CARS1: variants seen among roughly 807,000 people sequenced by gnomAD.
The protein encoded by CARS1 is cysteinyl-tRNA synthetase 1, also known as cysteine--tRNA ligase, cytoplasmic.
Under a neutral mutation model 106.2 loss-of-function variants are expected in CARS1, and 48 were observed. The observed-to-expected ratio is 0.45, with a 90% CI of 0.36 to 0.57. CARS1 has a LOEUF of 0.57. Among genes scored for constraint, CARS1 ranks in the 20% least tolerant of loss-of-function variants. The pLI is 0.00. For missense variants in CARS1, 968 were observed against 1,057.2 expected, an observed-to-expected ratio of 0.92 and a Z score of 1.17; for synonymous variants, 409 against 403.4, an observed-to-expected ratio of 1.01 and a Z score of -0.17.
At chr11:3,009,982 C>G (rs1850292017) in intron 18 of CARS1, among the ~76,000 whole-genome samples, 1 of 152,228 alleles carries the variant, frequency 6.6e-6, no homozygotes, top group Non-Finnish European at 1.5e-5. Flanking sequence ...CCCTGGATCC[C>G]CAGGGTCTCT....
Position 3,006,863 on chromosome 11 carries a change from G to T in CARS1, c.2149+16C>A. ...GCTCCTGGTAACTTTGTAGCAAACA[G>T]CAAGGGCTCACCCACCTTCGTGGTC... is the stretch of plus-strand genomic sequence containing the variant. On this transcript the variant is annotated intron_variant, in intron 19 of 22. Coordinates refer to ENST00000380525, the MANE Select transcript of CARS1 (RefSeq NM_001014437.3). The T allele has an allele frequency of 6.2e-7, 1 of 1,608,368 alleles. No individual in the cohort carries two copies. The highest frequency in any genetic ancestry group is 8.5e-7 in the Non-Finnish European group (1 of 1,174,820).
At chr11:3,057,308 A>C in intron 1 of CARS1, 35 bp downstream of exon 1, 1 of 1,596,774 alleles carries the variant, frequency 6.3e-7, no homozygotes, top group East Asian at 2.2e-5. Flanking sequence ...TCAGGCCCCC[A>C]GCCGCCCTCA....
Position 3,017,806 on chromosome 11 carries a change from G to T in CARS1, c.1727+51C>A, listed in dbSNP as rs1161906924. The T allele has an allele frequency of 1.6e-6, 2 of 1,216,798 alleles. No homozygotes were observed. The highest frequency in any genetic ancestry group is 1.7e-5 in the Admixed American group (1 of 58,626). 75.4% of individuals were successfully genotyped at this position (1,216,798 alleles called of 1,614,324 possible). The stretch of plus-strand genomic sequence containing the variant: ...CATGGTGGCCAAGATGCGAGGCTAG[G>T]CATAGAACATGGGCATGCTCAAAAA... On this transcript the variant is annotated intron_variant, in intron 15 of 22. Transcript: ENST00000380525. This position sits in a 1 kb window ranked among gnomAD's most constrained non-coding sequence, Gnocchi z 4.9.
chr11:3,016,427 G>A (rs1046146811), intron 16 of CARS1, among the ~76,000 whole-genome samples: 1 of 151,904 alleles, frequency 6.6e-6, no homozygotes, highest in Admixed American at 6.6e-5. Context: ...GTTTCACCGT[G>A]TTAGTCAGGA....
At position 3,028,552 on chromosome 11, in the gene CARS1, G is replaced by A. The variant is rs754699703; in HGVS notation, c.1031+444C>T. The A allele has an allele frequency of 2.9e-5, 7 of 241,746 alleles. No homozygotes were observed. The highest frequency in any genetic ancestry group is 5.5e-5 in the Non-Finnish European group (7 of 127,640). The allele number at this position is 241,746 out of a possible 1,614,324, so 15.0% of individuals were successfully genotyped here. On this transcript the variant is annotated intron_variant, in intron 9 of 22. Transcript: ENST00000380525. This position sits in a 1 kb window ranked among gnomAD's most constrained non-coding sequence, Gnocchi z 4.4. Reference sequence around the variant, plus strand: ...TTGAGACAATACGGGCCAGGGAAGTGTATGATGGATTTGCCAACAAAAAGT... The same window carrying A: ...TTGAGACAATACGGGCCAGGGAAGTATATGATGGATTTGCCAACAAAAAGT...
In CARS1 at chr11:3,013,904, G is replaced by A. The variant is rs561149286; in HGVS notation, c.1987-1628C>T. ...AACTGAATAATAGCTCAGCGGCCACGACACAGGGCAGGGACTGGCATGGGC... is the reference window on the plus strand; with the variant it reads ...AACTGAATAATAGCTCAGCGGCCACAACACAGGGCAGGGACTGGCATGGGC... On this transcript the variant is annotated intron_variant, in intron 17 of 22. Coordinates refer to ENST00000380525, the MANE Select transcript of CARS1 (RefSeq NM_001014437.3). Among the ~76,000 whole-genome samples the A allele has an allele frequency of 7.6e-4, 116 of 152,250 alleles. 1 individual carries two copies. The highest frequency in any genetic ancestry group is 2.5e-3 in the African/African-American group (104 of 41,550).
intron 7 of CARS1, among the ~76,000 whole-genome samples, chr11:3,036,369 T>C (rs931762948): frequency 2.4e-4 from 36 of 152,110 alleles, no homozygotes; most frequent in Admixed American, 5.2e-4. Flanking sequence ...TGCAGGTATA[T>C]GGCCTAAAGA....
rs1002947845 is a variant in CARS1, at chr11:3,050,599, A to G, written c.26-2598T>C. On this transcript the variant is annotated intron_variant, in intron 1 of 22. Coordinates refer to ENST00000380525, the MANE Select transcript of CARS1 (RefSeq NM_001014437.3). This position sits in a 1 kb window ranked among gnomAD's most constrained non-coding sequence, Gnocchi z 6.3. Reference sequence around the variant, plus strand: ...GCCCTGCTGAAAAGCGCACGTTCACATTACTGCCCCCAACACCCACCTCGC... The same window carrying G: ...GCCCTGCTGAAAAGCGCACGTTCACGTTACTGCCCCCAACACCCACCTCGC... 5.3e-5 allele frequency among the ~76,000 whole-genome samples: 8 copies of G among 152,176 alleles called. No individual in the cohort carries two copies. Among genetic ancestry groups the G allele is most frequent in the African/African-American group, 1.7e-4 (7 of 41,508 alleles).
chr11:3,012,450 A>G lies in CARS1; in HGVS notation c.1987-174T>C, dbSNP rs142937846. On this transcript the variant is annotated intron_variant, in intron 17 of 22. Transcript: ENST00000380525. Reference sequence around the variant, plus strand: ...CTGGACGCTCTCGTCCCTGACACACAGTCCCTGCTAGGTGTGCGAGTCACA... The same window carrying G: ...CTGGACGCTCTCGTCCCTGACACACGGTCCCTGCTAGGTGTGCGAGTCACA... 1.8e-3 allele frequency among the ~76,000 whole-genome samples: 276 copies of G among 152,354 alleles called. 2 individuals carry two copies. Among genetic ancestry groups the G allele is most frequent in the African/African-American group, 6.3e-3 (263 of 41,592 alleles).
intron 18 of CARS1, 97 bp from the exon 19 acceptor site, chr11:3,007,056 CACAGAACA>C: frequency 1.0e-6 from 1 of 1,003,318 alleles, no homozygotes; most frequent in Non-Finnish European, 1.6e-6. Flanking sequence ...GGCCGTGGCC[CACAGAACA>C]AGTGCCTCCT....
chr11:3,039,968 C>A lies in CARS1; in HGVS notation c.456-37G>T, dbSNP rs745941079. 1 of 1,075,144 alleles carries A rather than the reference C, an allele frequency of 9.3e-7. No homozygotes were observed. The highest frequency in any genetic ancestry group is 2.5e-5 in the East Asian group (1 of 40,674). 66.6% of individuals were successfully genotyped at this position (1,075,144 alleles called of 1,614,324 possible). ...AAAAAACAAACATTTCCACACCAGA[C>A]GATATGTATAGCTTAACCTCCAACA... On this transcript the variant is annotated intron_variant, in intron 4 of 22. Coordinates refer to ENST00000380525, the MANE Select transcript of CARS1 (RefSeq NM_001014437.3). The surrounding 1 kb of genome is among the most constrained non-coding windows in gnomAD (Gnocchi z 5.6).
chr11:3,041,150 A>G lies in CARS1; in HGVS notation c.367-166T>C. The G allele has an allele frequency of 9.0e-7, 1 of 1,111,386 alleles. No homozygotes were observed. Among genetic ancestry groups the G allele is most frequent in the Non-Finnish European group, 1.3e-6 (1 of 786,914 alleles). The allele number at this position is 1,111,386 out of a possible 1,614,324, so 68.8% of individuals were successfully genotyped here. The stretch of plus-strand genomic sequence containing the variant: ...AAAGTCACAGTCTCAGTGGGAGCCC[A>G]GTGAGATGTACGGCACCTCCCACCA... On this transcript the variant is annotated intron_variant, in intron 3 of 22. Transcript: ENST00000380525. The surrounding 1 kb of genome is among the most constrained non-coding windows in gnomAD (Gnocchi z 4.9).
chr11:3,017,915 C>T lies in CARS1; in HGVS notation c.1669G>A (p.Val557Ile), dbSNP rs147711719. 2.2e-4 allele frequency: 352 copies of T among 1,613,870 alleles called. No homozygotes were observed. Among genetic ancestry groups the T allele is most frequent in the Admixed American group, 2.7e-4 (16 of 60,004 alleles). ...TTCTCAAACTGACCAGTGATGTCAA[C>T]AGGAGCGCGAAGGATATCTTTCACA... The part of the protein sequence containing the change: ...LNVKDILRAP[V>I]DITGQFEKWG... Residue 557 changes from valine to isoleucine, a missense_variant, in exon 15 of 23, where the codon GTT (valine) becomes ATT (isoleucine). Val to Ile is a conservative substitution (Grantham distance 29). Transcript: ENST00000380525. This position sits in a 1 kb window ranked among gnomAD's most constrained non-coding sequence, Gnocchi z 4.9.
In CARS1 at chr11:3,021,790, G is replaced by C. The variant is rs1851592347; in HGVS notation, c.1154-1458C>G. 6.6e-6 allele frequency among the ~76,000 whole-genome samples: 1 copy of C among 152,154 alleles called. No individual in the cohort carries two copies. On this transcript the variant is annotated intron_variant, in intron 10 of 22. Transcript: ENST00000380525. The surrounding 1 kb of genome is among the most constrained non-coding windows in gnomAD (Gnocchi z 5.3). ...ACCAACACGGAAGGCCGCTGTCCTGGCTTCCTTCTACCTCCGCACTGTTCT... is the reference window on the plus strand; with the variant it reads ...ACCAACACGGAAGGCCGCTGTCCTGCCTTCCTTCTACCTCCGCACTGTTCT...
chr11:3,046,710 A>C lies in CARS1; in HGVS notation c.274+1043T>G, dbSNP rs1855123708. On this transcript the variant is annotated intron_variant, in intron 2 of 22. Transcript: ENST00000380525. The surrounding 1 kb of genome is among the most constrained non-coding windows in gnomAD (Gnocchi z 5.8). ...AAGGCTGCCAGCTACAGCCAGGACCACCAGAAAACAGCACTAAACCTGCCC... is the reference window on the plus strand; with the variant it reads ...AAGGCTGCCAGCTACAGCCAGGACCCCCAGAAAACAGCACTAAACCTGCCC... Among the ~76,000 whole-genome samples, 2 of 152,216 alleles carry C rather than the reference A, an allele frequency of 1.3e-5. No individual in the cohort carries two copies. Among genetic ancestry groups the C allele is most frequent in the South Asian group, 4.2e-4 (2 of 4,818 alleles).
rs1396506434 is a variant in CARS1, at chr11:3,048,038, G to A, written c.26-37C>T. On this transcript the variant is annotated intron_variant, in intron 1 of 22. Coordinates refer to ENST00000380525, the MANE Select transcript of CARS1 (RefSeq NM_001014437.3). This position sits in a 1 kb window ranked among gnomAD's most constrained non-coding sequence, Gnocchi z 5.1. ...GAGGGCACATGGTGTCAGGCAGGCAGGCGGGCAGCCCAGAGGCCGCCAGAA... is the reference window on the plus strand; with the variant it reads ...GAGGGCACATGGTGTCAGGCAGGCAAGCGGGCAGCCCAGAGGCCGCCAGAA... 9.4e-6 allele frequency: 15 copies of A among 1,600,992 alleles called. No homozygotes were observed. Among genetic ancestry groups the A allele is most frequent in the Non-Finnish European group, 1.3e-5 (15 of 1,170,980 alleles).
chr11:3,033,670 CA>C (rs1213853915), intron 7 of CARS1, among the ~76,000 whole-genome samples: 1 of 151,866 alleles, frequency 6.6e-6, no homozygotes, highest in African/African-American at 2.4e-5. Flanking sequence ...AGAATAAATC[CA>C]AAGGAAAAAG....
chr11:3,011,069 T>G (rs1474230178), intron 18 of CARS1, among the ~76,000 whole-genome samples: 1 of 152,222 alleles, frequency 6.6e-6, no homozygotes, highest in Non-Finnish European at 1.5e-5. Context: ...TGGAGGATCA[T>G]GGTGGTAAAT....
chr11:3,009,774 A>G (rs1210954126), intron 18 of CARS1, among the ~76,000 whole-genome samples: 1 of 152,178 alleles, frequency 6.6e-6, no homozygotes, highest in Non-Finnish European at 1.5e-5. Context: ...CTGTCTGTGG[A>G]GCATCTGGCC....
Sources: gnomAD v4.1 joint callset for allele counts (sites outside exome capture counted in the v4.1 genomes callset) on GRCh38, gnomAD v4.1.1 for gene constraint, Gnocchi (gnomAD v3.1) non-coding constraint, MANE v1.5 for transcripts, NCBI Gene and HGNC (gene_info 2026-07-23, HGNC 2026-07-21) for gene names.